Variants in PGD observed in about 807,000 individuals in gnomAD.
The protein encoded by PGD is 6-phosphogluconate dehydrogenase, decarboxylating.
In PGD, 21 loss-of-function variants were observed where a neutral mutation model predicts 60.4. That is an observed-to-expected ratio of 0.35 (90% confidence interval 0.25 to 0.50). PGD has a LOEUF of 0.50. Among genes scored for constraint, PGD ranks in the 20% least tolerant of loss-of-function variants. The pLI is 0.98. For synonymous variants in PGD, 230 were observed against 235.9 expected (o/e 0.97, Z 0.23); for missense variants, 477 against 613.1 (o/e 0.78, Z 2.34).
chr1:10,419,987 A>ATC lies in PGD; in HGVS notation c.*241_*242dup, dbSNP rs920484340. The ATC allele has an allele frequency of 1.2e-5, 6 of 513,344 alleles. No individual in the cohort carries two copies. In the East Asian group the frequency reaches 2.1e-4, roughly 18 times the overall value. 31.8% of individuals were successfully genotyped at this position (513,344 alleles called of 1,614,324 possible). A position where few individuals can be genotyped will look rare whatever the true frequency, so the allele number is the denominator to read the frequency against. Reference sequence around the variant, plus strand: ...GCTCATGTGCGTGAGAGTGGGAACCATCTCCTTGCGGCAGTGGCTTCCGCG... The same window carrying ATC: ...GCTCATGTGCGTGAGAGTGGGAACCATCTCTCCTTGCGGCAGTGGCTTCCGCG... On this transcript the variant is annotated 3_prime_UTR_variant, in exon 13 of 13. Transcript: ENST00000270776.
Position 10,420,094 on chromosome 1 carries a change from T to C in PGD, c.*345T>C, listed in dbSNP as rs1639667735. 1.4e-5 allele frequency: 3 copies of C among 217,030 alleles called. No homozygotes were observed. The highest frequency in any genetic ancestry group is 1.2e-4 in the East Asian group (1 of 8,602). 13.4% of individuals were successfully genotyped at this position (217,030 alleles called of 1,614,324 possible). A position where few individuals can be genotyped will look rare whatever the true frequency, so the allele number is the denominator to read the frequency against. On this transcript the variant is annotated 3_prime_UTR_variant, in exon 13 of 13. Transcript: ENST00000270776. ...CTGATCAACTGGAACCTCTGTATCA[T>C]GCGGCTGAATTCCCTTTTTCCTTTA...
In PGD at chr1:10,416,978, C is replaced by G; in HGVS notation, c.845-9C>G. The G allele has an allele frequency of 6.2e-7, 1 of 1,612,794 alleles. No homozygotes were observed. The highest frequency in any genetic ancestry group is 8.5e-7 in the Non-Finnish European group (1 of 1,179,170). On this transcript the variant is annotated splice_polypyrimidine_tract_variant and intron_variant, in intron 8 of 12. Coordinates refer to ENST00000270776, the MANE Select transcript of PGD (RefSeq NM_002631.4). ...TAATCTGTTTCCTCTTCCCGATCTC[C>G]CCATGTAGGAGAAGCTGTCTTTGCT...
Position 10,410,347 on chromosome 1 carries a change from C to T in PGD, c.520-1071C>T, listed in dbSNP as rs758288604. Among the ~76,000 whole-genome samples, 6 of 151,826 alleles carry T rather than the reference C, an allele frequency of 4.0e-5. 1 individual carries two copies. The South Asian group carries it at 8.3e-4, about 21-fold the overall frequency. ...ATCCCAGCTCATCAGGAGGCTGAGG[C>T]GTTAGAATTGCTTGAACCCAGGAGG... On this transcript the variant is annotated intron_variant, in intron 6 of 12. Transcript: ENST00000270776.
chr1:10,419,187 T>G (rs890413731), intron 11 of PGD, among the ~76,000 whole-genome samples: 1 of 150,836 alleles, frequency 6.6e-6, no homozygotes, highest in African/African-American at 2.4e-5. Flanking sequence ...TTTTTTTTTT[T>G]TTTGTATTTT....
In PGD at chr1:10,413,104, A is replaced by G; in HGVS notation, c.697A>G (p.Ile233Val). ...WNKTELDSFL[I>V]EITANILKFQ... The stretch of plus-strand genomic sequence containing the variant: ...TAAGACAGAGCTAGACTCATTCCTG[A>G]TTGAAATCACAGCCAATATTCTCAA... The change falls in exon 8 of 13, where the codon ATT (isoleucine) becomes GTT (valine). Residue 233 changes from isoleucine (I) to valine (V), a missense_variant. Transcript: ENST00000270776. The G allele has an allele frequency of 6.8e-6, 11 of 1,614,110 alleles. No individual in the cohort carries two copies. Among genetic ancestry groups the G allele is most frequent in the Non-Finnish European group, 9.3e-6 (11 of 1,179,992 alleles).
chr1:10,414,066 A>T (rs1161453617), intron 8 of PGD, among the ~76,000 whole-genome samples: 2 of 152,196 alleles, frequency 1.3e-5, no homozygotes, highest in Non-Finnish European at 2.9e-5. Flanking sequence ...CTCCAAAAAA[A>T]GTTTGCGAAT....
chr1:10,418,470 G>C (rs1028789058), intron 10 of PGD, among the ~76,000 whole-genome samples: 3 of 152,102 alleles, frequency 2.0e-5, no homozygotes, highest in African/African-American at 7.2e-5. Context: ...TTACTTCCCT[G>C]TTAGAGTTAA....
At position 10,404,223 on chromosome 1, in the gene PGD, A is replaced by G. The variant is rs1639362171; in HGVS notation, c.393A>G (p.Gly131=). The G allele has an allele frequency of 6.2e-7, 1 of 1,614,020 alleles. No homozygotes were observed. The change falls in exon 5 of 13, where the codon GGA becomes GGG. Residue 131 remains glycine, a synonymous_variant. Transcript: ENST00000270776. The part of the protein sequence containing the change: ...ILFVGSGVSG[G]EEGARYGPSL... ...TTGTGGGGAGCGGAGTCAGTGGTGG[A>G]GAGGAAGGGGCCCGGTATGGCCCAT...
At chr1:10,418,986 GTTTGGTTTTTTGTTTTTTTTT>G (rs1330864390) in intron 11 of PGD, 61 bp downstream of exon 11, 23 of 920,756 alleles carry the variant, frequency 2.5e-5, no homozygotes, top group African/African-American at 1.5e-4. Flanking sequence ...CAGTTGTGAT[GTTTGGTTTTTTGTTTTTTTTT>G]TTTGGTTTTT....
intron 3 of PGD, 116 bp from the exon 4 acceptor site, chr1:10,402,955 G>A: frequency 1.3e-6 from 1 of 753,954 alleles, no homozygotes. Flanking sequence ...TCCAAGCTGG[G>A]CAACAGAACG....
At chr1:10,405,128 A>G (rs2102388359) in intron 5 of PGD, among the ~76,000 whole-genome samples, 1 of 151,792 alleles carries the variant, frequency 6.6e-6, no homozygotes, top group East Asian at 2.0e-4. Context: ...TAATCCCAGC[A>G]CTTCGGGAGG....
At chr1:10,418,788 A>AAG in intron 10 of PGD, 38 bp from the exon 11 acceptor site, 1 of 1,260,898 alleles carries the variant, frequency 7.9e-7, no homozygotes, top group East Asian at 2.3e-5. Context: ...AAAAAAAAAA[A>AAG]AAGACTCATT....
At chr1:10,399,588 C>G in intron 1 of PGD, 41 bp from the exon 2 acceptor site, 1 of 1,568,272 alleles carries the variant, frequency 6.4e-7, no homozygotes, top group Non-Finnish European at 8.8e-7. Context: ...GCGCGTCGAG[C>G]GGTGCTGACT....
chr1:10,418,881 C>T lies in PGD; in HGVS notation c.1165C>T (p.Leu389Phe), dbSNP rs1337435198. 1 of 1,612,472 alleles carries T rather than the reference C, an allele frequency of 6.2e-7. No individual in the cohort carries two copies. The highest frequency in any genetic ancestry group is 8.5e-7 in the Non-Finnish European group (1 of 1,178,576). ...TGATCGAAACCCGGAACTTCAGAAC[C>T]TCCTACTGGACGACTTCTTTAAGTC... is the stretch of plus-strand genomic sequence containing the variant. Reference protein sequence around the residue: ...AFDRNPELQNLLLDDFFKSAV... With the variant: ...AFDRNPELQNFLLDDFFKSAV... The change falls in exon 11 of 13, where the codon CTC becomes TTC. Residue 389 changes from leucine (L) to phenylalanine (F), a missense_variant. Leu to Phe is a conservative substitution (Grantham distance 22). This residue lies in a region of PGD where 431 missense variants were observed against 556.6 expected (regional missense o/e 0.77). Coordinates refer to ENST00000270776, the MANE Select transcript of PGD (RefSeq NM_002631.4).
At position 10,400,261 on chromosome 1, in the gene PGD, G is replaced by A. The variant is rs2102383893; in HGVS notation, c.85-132G>A. On this transcript the variant is annotated intron_variant, in intron 2 of 12. Coordinates refer to ENST00000270776, the MANE Select transcript of PGD (RefSeq NM_002631.4). Reference sequence around the variant, plus strand: ...CTTTACAGTGAGCCTCCCACAGCTGGGGGAAGAAAAGGCAAAGGCAGGTCT... The same window carrying A: ...CTTTACAGTGAGCCTCCCACAGCTGAGGGAAGAAAAGGCAAAGGCAGGTCT... 4 of 651,984 alleles carry A rather than the reference G, an allele frequency of 6.1e-6. No individual in the cohort carries two copies. In the South Asian group the frequency reaches 7.9e-5, roughly 13 times the overall value. 40.4% of individuals were successfully genotyped at this position (651,984 alleles called of 1,614,324 possible).
chr1:10,399,862 A>C lies in PGD; in HGVS notation c.84+158A>C, dbSNP rs539730653. The C allele has an allele frequency of 3.0e-4, 197 of 659,846 alleles. 3 individuals carry two copies. Among genetic ancestry groups the C allele is most frequent in the South Asian group, 2.3e-3 (131 of 57,868 alleles). 40.9% of individuals were successfully genotyped at this position (659,846 alleles called of 1,614,324 possible). ...TGTATGGAAAGGAGAAGCACCCTGT[A>C]GGCGTGGGCGGGCCGATCCCGAACT... On this transcript the variant is annotated intron_variant, in intron 2 of 12. Transcript: ENST00000270776.
chr1:10,412,422 A>G (rs1639514677), intron 7 of PGD, among the ~76,000 whole-genome samples: 2 of 152,080 alleles, frequency 1.3e-5, no homozygotes, highest in Non-Finnish European at 2.9e-5. Context: ...CTAGTTTTTT[A>G]TTCATGTCAT....
In PGD at chr1:10,417,413, G is replaced by A; in HGVS notation, c.1013G>A (p.Gly338Asp). The A allele has an allele frequency of 6.2e-7, 1 of 1,613,764 alleles. No individual in the cohort carries two copies. The highest frequency in any genetic ancestry group is 8.5e-7 in the Non-Finnish European group (1 of 1,179,888). Residue 338 changes from glycine (G) to aspartate (D), a missense_variant, in exon 10 of 13, where the codon GGC (glycine) becomes GAC (aspartate). Transcript: ENST00000270776. The stretch of plus-strand genomic sequence containing the variant: ...TCCAAGATCATCTCTTACGCTCAAG[G>A]CTTTATGCTGCTAAGGCAGGCAGCC... Reference protein sequence around the residue: ...YASKIISYAQGFMLLRQAATE... With the variant: ...YASKIISYAQDFMLLRQAATE...
rs1460503026 is a variant in PGD at position 10,420,127 on chromosome 1, A to G, written c.*378A>G. On this transcript the variant is annotated 3_prime_UTR_variant, in exon 13 of 13. Coordinates refer to ENST00000270776, the MANE Select transcript of PGD (RefSeq NM_002631.4). ...AATTCCCTTTTTCCTTTACTCAATAAAAGCTACATCAGACTGATGCTCTTT... is the reference window on the plus strand; with the variant it reads ...AATTCCCTTTTTCCTTTACTCAATAGAAGCTACATCAGACTGATGCTCTTT... 2 of 183,048 alleles carry G rather than the reference A, an allele frequency of 1.1e-5. No individual in the cohort carries two copies. The highest frequency in any genetic ancestry group is 3.0e-4 in the East Asian group (2 of 6,610). 11.3% of individuals were successfully genotyped at this position (183,048 alleles called of 1,614,324 possible).
Sources: allele counts gnomAD v4.1 joint callset (sites outside exome capture counted in the v4.1 genomes callset), GRCh38; gene constraint gnomAD v4.1.1; regional missense constraint gnomAD v4.1.1; transcripts MANE v1.5; gene names NCBI Gene and HGNC (gene_info 2026-07-23, HGNC 2026-07-21).